NIPBL: variants seen among roughly 807,000 people sequenced by gnomAD.
The protein encoded by NIPBL is nipped-B-like protein.
A neutral mutation model predicts 321.8 loss-of-function variants in NIPBL; 19 were observed. The observed-to-expected ratio is 0.06, with a 90% confidence interval of 0.04 to 0.09. The LOEUF (loss-of-function observed/expected upper bound fraction) is 0.09. NIPBL is among the 10% of genes least tolerant of loss of function. The pLI, the probability that NIPBL is intolerant of heterozygous loss-of-function variation, is 1.00. For missense variants in NIPBL, 2,210 were observed against 3,327.0 expected (o/e 0.66, Z 8.26); for synonymous variants, 1,106 against 1,114.1 (o/e 0.99, Z 0.14).
At position 37,020,585 on chromosome 5, in the gene NIPBL, A is replaced by G. The variant is rs749567855; in HGVS notation, c.5137A>G (p.Thr1713Ala). Residue 1713 changes from threonine to alanine, a missense_variant, in exon 26 of 47, where the codon ACT becomes GCT. Thr to Ala is a moderately conservative substitution (Grantham distance 58, BLOSUM62 0). This residue lies in a region of NIPBL where 138 missense variants were observed against 175.8 expected (regional missense o/e 0.79). Coordinates refer to ENST00000282516, the MANE Select transcript of NIPBL (RefSeq NM_133433.4). ...GTHHAKEIET[T>A]GQIMHRAENR... The stretch of plus-strand genomic sequence containing the variant: ...ACATCATGCAAAGGAAATTGAGACA[A>G]CTGGCCAAATTATGCATCGAGCTGA... 22 of 1,613,964 alleles carry G rather than the reference A, an allele frequency of 1.4e-5. No individual in the cohort carries two copies. In the Admixed American group the frequency reaches 3.5e-4, roughly 26 times the overall value.
chr5:36,885,473 C>G, intron 1 of NIPBL: 1 of 488,344 alleles, frequency 2.0e-6, no homozygotes, highest in Non-Finnish European at 4.0e-6. Flanking sequence ...GAACAACCAC[C>G]TGGCCTCCTA....
chr5:36,928,554 G>A (rs558979918), intron 1 of NIPBL, among the ~76,000 whole-genome samples: 4 of 152,208 alleles, frequency 2.6e-5, no homozygotes, highest in Admixed American at 6.5e-5. Flanking sequence ...ACTTTACAAC[G>A]TTATTGAGGT....
chr5:36,997,894 T>A (rs550164003), intron 11 of NIPBL, among the ~76,000 whole-genome samples: 9 of 152,008 alleles, frequency 5.9e-5, no homozygotes, highest in Admixed American at 3.9e-4. Context: ...GAAAAAAAAA[T>A]TTTTGAAACT....
chr5:36,973,548 A>G (rs531254574), intron 8 of NIPBL, among the ~76,000 whole-genome samples: 24 of 151,868 alleles, frequency 1.6e-4, no homozygotes, highest in Admixed American at 1.2e-3. Context: ...GCTCACTGCA[A>G]TCTCCACCTC....
chr5:37,021,883 G>A (rs1292742497), intron 27 of NIPBL, among the ~76,000 whole-genome samples, 168 bp from the exon 28 acceptor site: 5 of 152,150 alleles, frequency 3.3e-5, no homozygotes, highest in Admixed American at 3.3e-4. Flanking sequence ...CACCTGTACT[G>A]ATTTTTAAGT....
chr5:36,902,584 C>T (rs1211296239), intron 1 of NIPBL, among the ~76,000 whole-genome samples: 2 of 152,050 alleles, frequency 1.3e-5, no homozygotes, highest in Non-Finnish European at 2.9e-5. Flanking sequence ...TGGGCTCTCA[C>T]CTGTTCCATT....
At chr5:36,907,404 A>G (rs746997374) in intron 1 of NIPBL, among the ~76,000 whole-genome samples, 1 of 152,192 alleles carries the variant, frequency 6.6e-6, no homozygotes, top group Non-Finnish European at 1.5e-5. Context: ...TCAGATAAGC[A>G]AAAAGAAGAA....
intron 46 of NIPBL, 145 bp from the exon 47 acceptor site, chr5:37,064,382 A>G: frequency 6.6e-7 from 1 of 1,520,600 alleles, no homozygotes; most frequent in Non-Finnish European, 8.8e-7. Context: ...GCTGGCGGTC[A>G]CGGTGCGTCT....
At chr5:36,951,055 C>T (rs1489999002) in intron 1 of NIPBL, among the ~76,000 whole-genome samples, 1 of 151,528 alleles carries the variant, frequency 6.6e-6, no homozygotes, top group Admixed American at 6.6e-5. Context: ...TAATCATCAA[C>T]GTGTAATTAA....
At chr5:36,939,108 T>A (rs899591955) in intron 1 of NIPBL, among the ~76,000 whole-genome samples, 26 of 152,322 alleles carry the variant, frequency 1.7e-4, no homozygotes, top group Admixed American at 6.5e-5. Context: ...GCTCAAGTGA[T>A]CCTTACACCT....
At chr5:36,918,450 T>C (rs750460052) in intron 1 of NIPBL, among the ~76,000 whole-genome samples, 4 of 152,144 alleles carry the variant, frequency 2.6e-5, no homozygotes, top group Non-Finnish European at 4.4e-5. Context: ...TTTCTAAATA[T>C]ACAGTCATGT....
intron 1 of NIPBL, 24 bp downstream of exon 1, chr5:36,877,202 GCGGCGGCGGCGGCGGCGC>G (rs1248308265): frequency 4.9e-6 from 1 of 203,162 alleles, no homozygotes; most frequent in Non-Finnish European, 9.8e-6. Context: ...CTTTATTTCG[GCGGCGGCGGCGGCGGCGC>G]CGGCGCCAGG....
intron 1 of NIPBL, among the ~76,000 whole-genome samples, chr5:36,946,746 ATAGTT>A (rs1389882643): frequency 6.6e-6 from 1 of 152,132 alleles, no homozygotes; most frequent in Non-Finnish European, 1.5e-5. Flanking sequence ...AGGTGACAAT[ATAGTT>A]TAAAGAATAC....
At chr5:36,950,494 A>G (rs1740166745) in intron 1 of NIPBL, among the ~76,000 whole-genome samples, 1 of 152,024 alleles carries the variant, frequency 6.6e-6, no homozygotes, top group Non-Finnish European at 1.5e-5. Flanking sequence ...TTTACCCACA[A>G]TTTTAAAGAC....
At chr5:36,976,433 A>T (rs1380959103) in intron 9 of NIPBL, 31 bp downstream of exon 9, 1 of 1,598,578 alleles carries the variant, frequency 6.3e-7, no homozygotes. Flanking sequence ...CCACTTCATC[A>T]TCTGGGCAAA....
At chr5:37,006,639 A>G in intron 17 of NIPBL, 51 bp downstream of exon 17, 1 of 1,192,736 alleles carries the variant, frequency 8.4e-7, no homozygotes, top group Non-Finnish European at 1.2e-6. Flanking sequence ...ATGTTAGATG[A>G]GTCAAAATAG....
At chr5:37,011,891 T>A (rs1482302480) in intron 21 of NIPBL, among the ~76,000 whole-genome samples, 1 of 152,172 alleles carries the variant, frequency 6.6e-6, no homozygotes. Context: ...TTTCTGTAGA[T>A]ACACTTAGAA....
intron 1 of NIPBL, among the ~76,000 whole-genome samples, chr5:36,899,904 A>T (rs1437318964): frequency 6.6e-6 from 1 of 152,188 alleles, no homozygotes; most frequent in East Asian, 1.9e-4. Context: ...ATTACTTCTT[A>T]CACTTTGTTT....
intron 7 of NIPBL, 39 bp downstream of exon 7, chr5:36,971,075 T>C: frequency 6.5e-7 from 1 of 1,545,044 alleles, no homozygotes; most frequent in Non-Finnish European, 8.9e-7. Context: ...AAAATAGTTC[T>C]AATATTTGTC....
Sources: gnomAD v4.1 joint callset for allele counts (sites outside exome capture counted in the v4.1 genomes callset) on GRCh38, gnomAD v4.1.1 for gene constraint, gnomAD v4.1.1 regional missense constraint, MANE v1.5 for transcripts, NCBI Gene and HGNC (gene_info 2026-07-23, HGNC 2026-07-21) for gene names.